CPA6: variants seen among roughly 807,000 people sequenced by gnomAD.
The protein encoded by CPA6 is carboxypeptidase B.
CPA6 carries 58 observed loss-of-function variants against 63.3 expected under a neutral mutation model. The ratio of observed to expected loss-of-function variants is 0.92; its 90% CI spans 0.74 to 1.14. The LOEUF is 1.14. CPA6 is among the 50% of genes most tolerant of loss of function. The pLI, the probability that CPA6 is intolerant of heterozygous loss-of-function variation, is 0.00. For synonymous variants in CPA6, 185 were observed against 179.0 expected (o/e 1.03, Z -0.27); for missense variants, 565 against 526.6 (o/e 1.07, Z -0.71).
chr8:67,475,293 AAAAC>A (rs1811148626), intron 8 of CPA6, among the ~76,000 whole-genome samples: 1 of 152,240 alleles, frequency 6.6e-6, no homozygotes. Flanking sequence ...AAAAGGCCCT[AAAAC>A]CATCATCAAG....
chr8:67,745,356 C>G (rs1490157920), intron 1 of CPA6, among the ~76,000 whole-genome samples: 1 of 152,220 alleles, frequency 6.6e-6, no homozygotes, highest in Non-Finnish European at 1.5e-5. Context: ...CATAGTAACA[C>G]ACGGCTTCCA....
intron 1 of CPA6, among the ~76,000 whole-genome samples, chr8:67,667,782 G>C (rs1816262692): frequency 1.3e-5 from 2 of 152,210 alleles, no homozygotes; most frequent in South Asian, 4.1e-4. Flanking sequence ...GTATAGAATA[G>C]GAGATTACTG....
intron 6 of CPA6, among the ~76,000 whole-genome samples, chr8:67,498,903 G>A (rs548000407): frequency 1.3e-4 from 20 of 152,264 alleles, no homozygotes; most frequent in African/African-American, 2.6e-4. Context: ...ATGGCTCTAC[G>A]TTTTCCAAGA....
chr8:67,708,605 G>C (rs1377639061), intron 1 of CPA6, among the ~76,000 whole-genome samples: 3 of 152,130 alleles, frequency 2.0e-5, no homozygotes, highest in African/African-American at 7.2e-5. Context: ...GCCCATCAGA[G>C]GAATGCAACA....
At chr8:67,587,082 C>G (rs149666779) in intron 2 of CPA6, among the ~76,000 whole-genome samples, 1 of 152,270 alleles carries the variant, frequency 6.6e-6, no homozygotes, top group East Asian at 1.9e-4. Flanking sequence ...GTATTATGTT[C>G]GCTAGAGCGA....
chr8:67,463,832 T>C (rs1175260604), intron 8 of CPA6, among the ~76,000 whole-genome samples: 1 of 152,228 alleles, frequency 6.6e-6, no homozygotes, highest in Non-Finnish European at 1.5e-5. Flanking sequence ...ACCTAATCCA[T>C]GTTGCTGCAA....
chr8:67,470,952 C>T (rs1235329653), intron 8 of CPA6, among the ~76,000 whole-genome samples: 1 of 152,124 alleles, frequency 6.6e-6, no homozygotes, highest in Non-Finnish European at 1.5e-5. Context: ...CAGAAGGAGT[C>T]TCTTAAAAAG....
intron 2 of CPA6, among the ~76,000 whole-genome samples, chr8:67,614,898 T>C (rs557600113): frequency 1.4e-4 from 21 of 152,340 alleles, no homozygotes; most frequent in Admixed American, 8.5e-4. Context: ...AAGAACACAA[T>C]TGACCAGTGA....
At chr8:67,497,959 C>T (rs1018629086) in intron 6 of CPA6, among the ~76,000 whole-genome samples, 1 of 151,944 alleles carries the variant, frequency 6.6e-6, no homozygotes, top group East Asian at 1.9e-4. Flanking sequence ...GTGAGCCATC[C>T]TCTATTTTTA....
At chr8:67,730,318 A>G (rs1817682309) in intron 1 of CPA6, among the ~76,000 whole-genome samples, 1 of 152,246 alleles carries the variant, frequency 6.6e-6, no homozygotes, top group East Asian at 1.9e-4. Context: ...AGATACAGAT[A>G]CAGAGCCAGA....
intron 1 of CPA6, among the ~76,000 whole-genome samples, chr8:67,632,997 G>T (rs1815379114): frequency 6.6e-6 from 1 of 152,038 alleles, no homozygotes; most frequent in Admixed American, 6.6e-5. Context: ...TTGACAATTT[G>T]AGCCAATTTT....
chr8:67,728,133 CAAACAAAACAAAACAAAACA>C (rs71253025), intron 1 of CPA6, among the ~76,000 whole-genome samples: 1 of 147,638 alleles, frequency 6.8e-6, no homozygotes. Flanking sequence ...CAACAAAAAA[CAAACAAAACAAAACAAAACA>C]AAACAAAACA....
chr8:67,665,747 G>T (rs74759674), intron 1 of CPA6, among the ~76,000 whole-genome samples: 147 of 152,314 alleles, frequency 9.7e-4, no homozygotes, highest in African/African-American at 3.5e-3. Context: ...AGGCAATAAA[G>T]TTTGAGCATG....
intron 6 of CPA6, among the ~76,000 whole-genome samples, chr8:67,488,733 C>T (rs576181709): frequency 5.3e-5 from 8 of 152,186 alleles, no homozygotes; most frequent in Middle Eastern, 3.4e-3. Context: ...TTTCGTTGAG[C>T]GGTGGTTTGT....
intron 3 of CPA6, among the ~76,000 whole-genome samples, chr8:67,512,922 T>C (rs887086991): frequency 5.3e-5 from 8 of 152,214 alleles, no homozygotes; most frequent in Non-Finnish European, 8.8e-5. Context: ...ATGAAGAAAG[T>C]AAATTAACTT....
chr8:67,610,380 G>GA (rs919330153), intron 2 of CPA6, among the ~76,000 whole-genome samples: 17 of 143,860 alleles, frequency 1.2e-4, no homozygotes, highest in South Asian at 4.4e-4. Flanking sequence ...TTCTCTTTGA[G>GA]AAAAAAAAAA....
chr8:67,451,410 C>T (rs1283682463), intron 8 of CPA6, among the ~76,000 whole-genome samples: 1 of 152,192 alleles, frequency 6.6e-6, no homozygotes, highest in Non-Finnish European at 1.5e-5. Flanking sequence ...GCCTGATGAT[C>T]TGTCACTGTC....
intron 1 of CPA6, among the ~76,000 whole-genome samples, chr8:67,736,761 C>T (rs145178717): frequency 7.2e-5 from 11 of 152,224 alleles, no homozygotes; most frequent in East Asian, 5.8e-4. Flanking sequence ...GCTTCAGATC[C>T]GTCTATCCAA....
At chr8:67,480,492 T>C (rs1811334420) in intron 8 of CPA6, among the ~76,000 whole-genome samples, 1 of 152,212 alleles carries the variant, frequency 6.6e-6, no homozygotes, top group South Asian at 2.1e-4. Flanking sequence ...CTGCAGAATG[T>C]ATCAGTACTT....
Sources: allele counts gnomAD v4.1 joint callset (sites outside exome capture counted in the v4.1 genomes callset), GRCh38; gene constraint gnomAD v4.1.1; transcripts MANE v1.5; gene names NCBI Gene and HGNC (gene_info 2026-07-23, HGNC 2026-07-21).